The following AGBL4 variants were observed in gnomAD, a reference collection of about 807,000 sequenced individuals.
AGBL4 encodes AGBL carboxypeptidase 4.
A neutral mutation model predicts 66.4 loss-of-function variants in AGBL4; 58 were observed. The ratio of observed to expected loss-of-function variants is 0.87; its 90% CI spans 0.71 to 1.09. The LOEUF is 1.09. Ranked by LOEUF, AGBL4 falls within the 50% of genes least tolerant of loss-of-function variation. The pLI, the probability that AGBL4 is intolerant of heterozygous loss-of-function variation, is 0.00. For missense variants in AGBL4, 579 were observed against 631.0 expected (o/e 0.92, Z 0.88); for synonymous variants, 234 against 222.9 (o/e 1.05, Z -0.44).
chr1:49,328,426 T>C (rs1249326724), intron 3 of AGBL4, among the ~76,000 whole-genome samples: 1 of 152,188 alleles, frequency 6.6e-6, no homozygotes, highest in East Asian at 1.9e-4. Context: ...ATTCTTCTTG[T>C]CTTGGTTTTC....
chr1:49,553,636 C>T (rs1238913545), intron 3 of AGBL4, among the ~76,000 whole-genome samples: 1 of 152,088 alleles, frequency 6.6e-6, no homozygotes, highest in Non-Finnish European at 1.5e-5. Flanking sequence ...CCCAGAGATC[C>T]TGTTTTATAC....
chr1:48,652,516 C>A (rs17104618), intron 8 of AGBL4, among the ~76,000 whole-genome samples: 2,203 of 152,222 alleles, frequency 0.014, 63 homozygotes, highest in African/African-American at 0.05. Flanking sequence ...ACACAGGCAG[C>A]AGGGCAGACA....
At chr1:49,409,256 C>T (rs1385338344) in intron 3 of AGBL4, among the ~76,000 whole-genome samples, 1 of 152,004 alleles carries the variant, frequency 6.6e-6, no homozygotes, top group Non-Finnish European at 1.5e-5. Flanking sequence ...TTAACACTAC[C>T]ACACATCTTG....
At chr1:49,218,454 G>C (rs1649244938) in intron 4 of AGBL4, among the ~76,000 whole-genome samples, 1 of 152,126 alleles carries the variant, frequency 6.6e-6, no homozygotes, top group Non-Finnish European at 1.5e-5. Context: ...TGTAAGACTG[G>C]AGAAGTAGTC....
At chr1:49,006,802 C>T (rs1330420401) in intron 5 of AGBL4, among the ~76,000 whole-genome samples, 7 of 150,676 alleles carry the variant, frequency 4.6e-5, no homozygotes, top group Admixed American at 6.6e-5. Flanking sequence ...TCCAACAGAC[C>T]TGCAGCTGAG....
At chr1:48,873,798 A>T (rs1365565686) in intron 5 of AGBL4, among the ~76,000 whole-genome samples, 1 of 152,046 alleles carries the variant, frequency 6.6e-6, no homozygotes, top group East Asian at 1.9e-4. Context: ...GGGACCCAGG[A>T]ATTGGACCAC....
intron 6 of AGBL4, chr1:48,818,292 C>T (rs933185616): frequency 8.4e-6 from 6 of 716,526 alleles, no homozygotes; most frequent in African/African-American, 3.5e-5. Flanking sequence ...TCTACTTCAC[C>T]GAAGGAAAAT....
intron 3 of AGBL4, among the ~76,000 whole-genome samples, chr1:49,348,336 T>G (rs930781513): frequency 6.6e-6 from 1 of 151,902 alleles, no homozygotes; most frequent in African/African-American, 2.4e-5. Flanking sequence ...GAGAATGGCA[T>G]GAACCCGGGA....
intron 3 of AGBL4, among the ~76,000 whole-genome samples, chr1:49,323,512 G>T (rs1204251892): frequency 6.8e-6 from 1 of 146,700 alleles, no homozygotes; most frequent in Non-Finnish European, 1.5e-5. Context: ...GCCCAGGCTG[G>T]TCTCAAACTC....
chr1:49,291,667 C>G (rs189403092), intron 3 of AGBL4, among the ~76,000 whole-genome samples: 2 of 152,336 alleles, frequency 1.3e-5, no homozygotes, highest in African/African-American at 4.8e-5. Flanking sequence ...ACCAGGGAGT[C>G]TTCTGCATAA....
the AGBL4 span, among the ~76,000 whole-genome samples, chr1:48,524,178 A>C: frequency 6.6e-6 from 1 of 152,184 alleles, no homozygotes; most frequent in African/African-American, 2.4e-5. Context: ...ACAGAAACAA[A>C]CCCCCTGGAA....
At chr1:49,847,858 C>T (rs1054006362) in intron 2 of AGBL4, among the ~76,000 whole-genome samples, 10 of 152,046 alleles carry the variant, frequency 6.6e-5, no homozygotes, top group Non-Finnish European at 1.3e-4. Context: ...CCCGCCACCT[C>T]GCCCGACTAA....
Position 48,534,909 on chromosome 1 carries a change from C to A in AGBL4, c.1372G>T (p.Glu458Ter). ...CCTTACCTTCTCTGGACTTCTATTT[C>A]TTTATTTCTAAAATAGGAGAAAAAT... ...AIPMPRLRNKEIEVQRRKEKS... is the reference protein window; with the variant it reads ...AIPMPRLRNK Residue 458 changes from glutamate to a stop codon, truncating the protein, a stop_gained, in exon 13 of 14, where the codon GAA becomes TAA. Transcript: ENST00000371839. LOFTEE classifies it high-confidence loss of function. The A allele has an allele frequency of 6.4e-7, 1 of 1,551,320 alleles. No homozygotes were observed. Among genetic ancestry groups the A allele is most frequent in the Non-Finnish European group, 8.7e-7 (1 of 1,146,750 alleles).
intron 4 of AGBL4, among the ~76,000 whole-genome samples, chr1:49,206,643 G>A (rs548576940): frequency 4.3e-4 from 66 of 152,148 alleles, no homozygotes; most frequent in South Asian, 3.5e-3. Flanking sequence ...CCAGTGAGTA[G>A]GCTTTAGGAA....
chr1:49,139,174 C>A (rs182179095), intron 4 of AGBL4, among the ~76,000 whole-genome samples: 55 of 152,288 alleles, frequency 3.6e-4, no homozygotes, highest in Admixed American at 2.6e-3. Context: ...CATAACTCAA[C>A]ATGAGATTTG....
intron 6 of AGBL4, among the ~76,000 whole-genome samples, chr1:48,780,732 A>C (rs1645272692): frequency 6.6e-6 from 1 of 152,224 alleles, no homozygotes; most frequent in Admixed American, 6.5e-5. Flanking sequence ...CATATGCACA[A>C]AACTAAAACT....
At chr1:49,495,605 T>C (rs781327071) in intron 3 of AGBL4, among the ~76,000 whole-genome samples, 1 of 151,830 alleles carries the variant, frequency 6.6e-6, no homozygotes, top group Non-Finnish European at 1.5e-5. Context: ...TGATAAAGTA[T>C]AAAAATTTCC....
At chr1:48,696,453 T>C (rs1413448082) in intron 6 of AGBL4, among the ~76,000 whole-genome samples, 1 of 152,120 alleles carries the variant, frequency 6.6e-6, no homozygotes, top group African/African-American at 2.4e-5. Context: ...AGGTCAACCT[T>C]ACCATACAAA....
intron 3 of AGBL4, among the ~76,000 whole-genome samples, chr1:49,432,813 T>C (rs1028569914): frequency 3.9e-5 from 6 of 152,196 alleles, no homozygotes; most frequent in African/African-American, 1.4e-4. Flanking sequence ...TGTATGTTAA[T>C]GATTGATGGT....
Sources: gnomAD v4.1 joint callset for allele counts (sites outside exome capture counted in the v4.1 genomes callset) on GRCh38, gnomAD v4.1.1 for gene constraint, MANE v1.5 for transcripts, NCBI Gene and HGNC (gene_info 2026-07-23, HGNC 2026-07-21) for gene names.